The following CACNG2 variants were observed in gnomAD, a reference collection of about 807,000 sequenced individuals.
The protein encoded by CACNG2 is voltage-dependent calcium channel gamma-2 subunit.
Under a neutral mutation model 25.9 loss-of-function variants are expected in CACNG2, and 3 were observed. The observed-to-expected ratio is 0.12, with a 90% confidence interval of 0.05 to 0.30. The LOEUF is 0.30. CACNG2 is among the 10% of genes least tolerant of loss of function. The pLI is 1.00. For missense variants in CACNG2, 341 were observed against 432.5 expected (o/e 0.79, Z 1.88); for synonymous variants, 167 against 173.3 (o/e 0.96, Z 0.29).
Position 36,665,382 on chromosome 22 carries a change from T to C in CACNG2, c.211+36984A>G, listed in dbSNP as rs545832670. ...AAGTAGTGCCAGACTCATAGGGTTG[T>C]CACGAGGATTGATGGCCAATGTGCA... is the stretch of plus-strand genomic sequence containing the variant. On this transcript the variant is annotated intron_variant, in intron 1 of 3. Coordinates refer to ENST00000300105, the MANE Select transcript of CACNG2 (RefSeq NM_006078.5). Among the ~76,000 whole-genome samples, 22 of 152,324 alleles carry C rather than the reference T, an allele frequency of 1.4e-4. No homozygotes were observed. In the South Asian group the frequency reaches 4.4e-3, roughly 30 times the overall value.
rs138254766 is a variant in CACNG2, at chr22:36,595,377, C to G, written c.212-7829G>C. Among the ~76,000 whole-genome samples the G allele has an allele frequency of 1.3e-3, 204 of 152,328 alleles. 1 individual carries two copies. The highest frequency in any genetic ancestry group is 3.4e-3 in the Middle Eastern group (1 of 294). On this transcript the variant is annotated intron_variant, in intron 1 of 3. Coordinates refer to ENST00000300105, the MANE Select transcript of CACNG2 (RefSeq NM_006078.5). ...CCAGTGTCTTCCCAGCTCTCGTTAG[C>G]AGTTTGAAATCAGCCGTGGTAGGTG...
intron 1 of CACNG2, among the ~76,000 whole-genome samples, chr22:36,641,276 C>G (rs1291622745): frequency 6.6e-6 from 1 of 152,184 alleles, no homozygotes; most frequent in Admixed American, 6.5e-5. Flanking sequence ...AGGTCTTTAT[C>G]TTTTTGATCT....
chr22:36,649,417 G>A (rs1027946621), intron 1 of CACNG2, among the ~76,000 whole-genome samples: 30 of 151,702 alleles, frequency 2.0e-4, no homozygotes, highest in African/African-American at 5.3e-4. Flanking sequence ...TCAGTCTCCC[G>A]AGTAGCTGGG....
At chr22:36,622,496 G>A (rs777610405) in intron 1 of CACNG2, among the ~76,000 whole-genome samples, 12 of 152,200 alleles carry the variant, frequency 7.9e-5, no homozygotes, top group Non-Finnish European at 1.5e-4. Context: ...TTTTAGAATA[G>A]GAAAGGAGAG....
intron 2 of CACNG2, among the ~76,000 whole-genome samples, chr22:36,569,126 G>C (rs1935181364): frequency 1.3e-5 from 2 of 152,154 alleles, no homozygotes; most frequent in Admixed American, 1.3e-4. Context: ...AGGATGGTGA[G>C]AGCTTACTGA....
At chr22:36,699,237 TCACACA>T (rs3076293) in intron 1 of CACNG2, among the ~76,000 whole-genome samples, 14,211 of 141,700 alleles carry the variant, frequency 0.1, 863 homozygotes, top group East Asian at 0.23. Flanking sequence ...GATTTCAAGT[TCACACA>T]CACACACACA....
At chr22:36,626,898 C>T (rs1936192966) in intron 1 of CACNG2, among the ~76,000 whole-genome samples, 1 of 152,206 alleles carries the variant, frequency 6.6e-6, no homozygotes, top group Non-Finnish European at 1.5e-5. Flanking sequence ...TTATTCGGTG[C>T]AAGCCGACTT....
intron 1 of CACNG2, among the ~76,000 whole-genome samples, chr22:36,640,011 A>G (rs1936419102): frequency 6.6e-6 from 1 of 152,224 alleles, no homozygotes; most frequent in Non-Finnish European, 1.5e-5. Context: ...CATGAGCCTC[A>G]GTCTCCAAGT....
chr22:36,697,075 C>A (rs1937351061), intron 1 of CACNG2, among the ~76,000 whole-genome samples: 1 of 152,206 alleles, frequency 6.6e-6, no homozygotes. Flanking sequence ...ATCATTTACA[C>A]TGGGGACAGC....
intron 1 of CACNG2, among the ~76,000 whole-genome samples, chr22:36,661,880 A>G (rs1461407095): frequency 2.0e-5 from 3 of 151,450 alleles, no homozygotes; most frequent in Non-Finnish European, 4.4e-5. Flanking sequence ...TCACCTGGAA[A>G]ATGGGGCTAG....
At chr22:36,675,924 T>G (rs1384436301) in intron 1 of CACNG2, among the ~76,000 whole-genome samples, 1 of 152,238 alleles carries the variant, frequency 6.6e-6, no homozygotes, top group Non-Finnish European at 1.5e-5. Context: ...CAGCCCTGTC[T>G]GTGCTAAGGT....
chr22:36,679,765 A>G (rs1937072959), intron 1 of CACNG2, among the ~76,000 whole-genome samples: 1 of 151,924 alleles, frequency 6.6e-6, no homozygotes, highest in Non-Finnish European at 1.5e-5. Context: ...TTTTGGTGAC[A>G]CTCACGGTGG....
At chr22:36,577,165 C>G (rs1015987950) in intron 2 of CACNG2, among the ~76,000 whole-genome samples, 1 of 152,204 alleles carries the variant, frequency 6.6e-6, no homozygotes, top group Admixed American at 6.5e-5. Flanking sequence ...ACTGAGTACA[C>G]ACACTTGAAG....
At chr22:36,609,811 C>T (rs1935907297) in intron 1 of CACNG2, among the ~76,000 whole-genome samples, 1 of 150,112 alleles carries the variant, frequency 6.7e-6, no homozygotes. Context: ...ATCAGTCCCC[C>T]AGAGCATGAT....
rs117967573 is a variant in CACNG2, at chr22:36,591,792, G to C, written c.212-4244C>G. 5.4e-4 allele frequency among the ~76,000 whole-genome samples: 82 copies of C among 152,274 alleles called. 1 individual carries two copies. In the East Asian group the frequency reaches 0.015, roughly 27 times the overall value. On this transcript the variant is annotated intron_variant, in intron 1 of 3. Coordinates refer to ENST00000300105, the MANE Select transcript of CACNG2 (RefSeq NM_006078.5). ...TGAGGCCCAGGACACAGCACAAGGG[G>C]GGTGGTGCTGTGCCAGGAGGGACAG... is the stretch of plus-strand genomic sequence containing the variant.
rs1045873846 is a variant in CACNG2, at chr22:36,692,371, A to G, written c.211+9995T>C. On this transcript the variant is annotated intron_variant, in intron 1 of 3. Coordinates refer to ENST00000300105, the MANE Select transcript of CACNG2 (RefSeq NM_006078.5). The stretch of plus-strand genomic sequence containing the variant: ...GACGGCACTCCGCAAAGGCAAACCC[A>G]GGGTTGCTAAGTCAGTGCCTCTGGG... Among the ~76,000 whole-genome samples the G allele has an allele frequency of 9.8e-5, 15 of 152,312 alleles. No homozygotes were observed. In the South Asian group the frequency reaches 3.1e-3, roughly 32 times the overall value.
chr22:36,581,780 T>TGCCAACAAC (rs1248568484), intron 2 of CACNG2, among the ~76,000 whole-genome samples: 1 of 152,200 alleles, frequency 6.6e-6, no homozygotes, highest in African/African-American at 2.4e-5. Context: ...ATCACCTACG[T>TGCCAACAAC]GCCAACAACG....
At chr22:36,692,155 G>A (rs1937274360) in intron 1 of CACNG2, among the ~76,000 whole-genome samples, 1 of 152,174 alleles carries the variant, frequency 6.6e-6, no homozygotes, top group Middle Eastern at 3.2e-3. Flanking sequence ...GGCTGGCACT[G>A]GGGCATTGAA....
intron 1 of CACNG2, among the ~76,000 whole-genome samples, chr22:36,641,550 G>A (rs1459845586): frequency 6.6e-6 from 1 of 152,206 alleles, no homozygotes; most frequent in Non-Finnish European, 1.5e-5. Context: ...ACAAGGAAAA[G>A]GTCCAGTTGG....
Sources: allele counts gnomAD v4.1 joint callset (sites outside exome capture counted in the v4.1 genomes callset), GRCh38; gene constraint gnomAD v4.1.1; transcripts MANE v1.5; gene names NCBI Gene and HGNC (gene_info 2026-07-23, HGNC 2026-07-21).